The following STUM variants were observed in gnomAD, a reference collection of about 807,000 sequenced individuals.
The protein encoded by STUM is protein stum homolog.
In STUM, 8 loss-of-function variants were observed where a neutral mutation model predicts 15.3. The ratio of observed to expected loss-of-function variants is 0.52; its 90% CI spans 0.31 to 0.94. STUM has a LOEUF of 0.94. STUM is among the 40% of genes least tolerant of loss of function. The probability of loss-of-function intolerance (pLI) is 0.05; values close to 1 mark genes in which losing one functional copy is unlikely to be tolerated. For missense variants in STUM, 142 were observed against 204.9 expected (o/e 0.69, Z 1.87); for synonymous variants, 78 against 88.7 (o/e 0.88, Z 0.68).
chr1:226,600,798 T>C lies in STUM; in HGVS notation c.391+124T>C. ...CCCAGTGGGTCAATGGGCTTTTATG[T>C]TTAGCTTGAACTTTTGGTTTGGAAA... On this transcript the variant is annotated intron_variant, in intron 3 of 3. Transcript: ENST00000366788. This position sits in a 1 kb window ranked among gnomAD's most constrained non-coding sequence, Gnocchi z 5.2. The C allele has an allele frequency of 9.3e-7, 1 of 1,077,918 alleles. No individual in the cohort carries two copies. The highest frequency in any genetic ancestry group is 1.6e-5 in the African/African-American group (1 of 63,920). 66.8% of individuals were successfully genotyped at this position (1,077,918 alleles called of 1,614,324 possible). A position where few individuals can be genotyped will look rare whatever the true frequency, so the allele number is the denominator to read the frequency against.
At chr1:226,576,645 T>C (rs1349081997) in intron 1 of STUM, among the ~76,000 whole-genome samples, 1 of 152,172 alleles carries the variant, frequency 6.6e-6, no homozygotes, top group Non-Finnish European at 1.5e-5. Flanking sequence ...ACATTCACAA[T>C]GCTGTGCAAC....
intron 1 of STUM, among the ~76,000 whole-genome samples, chr1:226,591,563 G>A (rs1374575638): frequency 6.6e-6 from 1 of 152,086 alleles, no homozygotes; most frequent in Non-Finnish European, 1.5e-5. Context: ...GGCTCACCAG[G>A]CCTTCCCCGC....
chr1:226,594,097 G>A (rs1668133206), intron 1 of STUM, among the ~76,000 whole-genome samples: 2 of 152,176 alleles, frequency 1.3e-5, no homozygotes, highest in South Asian at 4.1e-4. Context: ...TGAGGAGGAG[G>A]AAAACGAGGC....
Position 226,600,498 on chromosome 1 carries a change from G to A in STUM, c.383-168G>A. 1 of 745,684 alleles carries A rather than the reference G, an allele frequency of 1.3e-6. No individual in the cohort carries two copies. The highest frequency in any genetic ancestry group is 2.7e-5 in the East Asian group (1 of 37,548). The allele number at this position is 745,684 out of a possible 1,614,324, so 46.2% of individuals were successfully genotyped here. Reference sequence around the variant, plus strand: ...ACTGAGCACTCCCTGCCTGGGGATGGCGTCTGAGAAGCCACTGGCATGGCC... The same window carrying A: ...ACTGAGCACTCCCTGCCTGGGGATGACGTCTGAGAAGCCACTGGCATGGCC... On this transcript the variant is annotated intron_variant, in intron 2 of 3. Transcript: ENST00000366788. This position sits in a 1 kb window ranked among gnomAD's most constrained non-coding sequence, Gnocchi z 5.2.
At chr1:226,588,291 C>T (rs114604071) in intron 1 of STUM, among the ~76,000 whole-genome samples, 3,488 of 152,240 alleles carry the variant, frequency 0.023, 145 homozygotes, top group African/African-American at 0.079. Context: ...TCGAACCCTG[C>T]GCTGATATGC....
At position 226,608,815 on chromosome 1, in the gene STUM, C is replaced by CAAG. The variant is rs1668402436; in HGVS notation, c.*6775_*6776insAAG. The stretch of plus-strand genomic sequence containing the variant: ...GGCCGGAACCCTGCAGCCTGGGGCC[C>CAAG]CAGCCCGCCTGCAGCTCAGCTTTCC... On this transcript the variant is annotated 3_prime_UTR_variant, in exon 4 of 4. Coordinates refer to ENST00000366788, the MANE Select transcript of STUM (RefSeq NM_001003665.4). The surrounding 1 kb of genome is among the most constrained non-coding windows in gnomAD (Gnocchi z 4.0). 1 of 152,326 alleles carries CAAG rather than the reference C, an allele frequency of 6.6e-6. No individual in the cohort carries two copies. The highest frequency in any genetic ancestry group is 1.5e-5 in the Non-Finnish European group (1 of 68,160). The allele number at this position is 152,326 out of a possible 1,614,324, so 9.4% of individuals were successfully genotyped here.
At chr1:226,560,431 C>T (rs1369485490) in intron 1 of STUM, among the ~76,000 whole-genome samples, 6 of 152,286 alleles carry the variant, frequency 3.9e-5, no homozygotes, top group East Asian at 1.9e-4. Flanking sequence ...GTTGGCAAGA[C>T]GCGAGCAGCC....
rs376619217 is a variant in STUM at position 226,561,351 on chromosome 1, C to T, written c.202+12245C>T. ...CAAGAGCAGGTCCTTGTTCTTTTAA[C>T]CTAGTGGACCCTTCCCCAGGAGACA... On this transcript the variant is annotated intron_variant, in intron 1 of 3. Coordinates refer to ENST00000366788, the MANE Select transcript of STUM (RefSeq NM_001003665.4). 5.9e-5 allele frequency among the ~76,000 whole-genome samples: 9 copies of T among 152,256 alleles called. No individual in the cohort carries two copies. In the South Asian group the frequency reaches 1.9e-3, roughly 32 times the overall value.
intron 1 of STUM, among the ~76,000 whole-genome samples, chr1:226,555,528 C>T (rs1667433747): frequency 6.6e-6 from 1 of 152,212 alleles, no homozygotes; most frequent in Non-Finnish European, 1.5e-5. Flanking sequence ...ACCCCATGCC[C>T]AATCTGTTAG....
At chr1:226,591,388 AAAG>A (rs1263643839) in intron 1 of STUM, among the ~76,000 whole-genome samples, 1 of 152,190 alleles carries the variant, frequency 6.6e-6, no homozygotes, top group Non-Finnish European at 1.5e-5. Flanking sequence ...AACATGAGTA[AAAG>A]AAGGAGCAGA....
rs1022126943 is a variant in STUM at position 226,607,694 on chromosome 1, C to G, written c.*5654C>G. The G allele has an allele frequency of 6.6e-6, 1 of 152,276 alleles. No individual in the cohort carries two copies. Among genetic ancestry groups the G allele is most frequent in the African/African-American group, 2.4e-5 (1 of 41,466 alleles). The allele number at this position is 152,276 out of a possible 1,614,324, so 9.4% of individuals were successfully genotyped here. Reference sequence around the variant, plus strand: ...CCTGTAGCGTCCACCATGTGTGTGTCCTGAGTTTCCAGTGCAAGTCATCTG... The same window carrying G: ...CCTGTAGCGTCCACCATGTGTGTGTGCTGAGTTTCCAGTGCAAGTCATCTG... On this transcript the variant is annotated 3_prime_UTR_variant, in exon 4 of 4. Coordinates refer to ENST00000366788, the MANE Select transcript of STUM (RefSeq NM_001003665.4).
At chr1:226,578,117 G>A (rs1379624980) in intron 1 of STUM, among the ~76,000 whole-genome samples, 3 of 152,158 alleles carry the variant, frequency 2.0e-5, no homozygotes, top group African/African-American at 4.8e-5. Context: ...CCGTCAAAAA[G>A]ACATTGCTGT....
At chr1:226,590,787 T>C (rs1433603488) in intron 1 of STUM, among the ~76,000 whole-genome samples, 1 of 152,246 alleles carries the variant, frequency 6.6e-6, no homozygotes, top group African/African-American at 2.4e-5. Flanking sequence ...CAGGACGGCC[T>C]GTCTGCAGAT....
chr1:226,584,937 T>C (rs1194674629), intron 1 of STUM, among the ~76,000 whole-genome samples: 4 of 152,216 alleles, frequency 2.6e-5, no homozygotes, highest in Non-Finnish European at 5.9e-5. Flanking sequence ...AAACCATTTT[T>C]ACAATATTTT....
intron 1 of STUM, among the ~76,000 whole-genome samples, chr1:226,586,431 A>G (rs1667998949): frequency 1.3e-5 from 2 of 152,144 alleles, no homozygotes; most frequent in Non-Finnish European, 2.9e-5. Flanking sequence ...TGGGCACGAC[A>G]TCCATGTTAT....
intron 1 of STUM, among the ~76,000 whole-genome samples, chr1:226,558,106 A>G (rs1461498479): frequency 6.6e-6 from 1 of 152,222 alleles, no homozygotes; most frequent in East Asian, 1.9e-4. Context: ...TGCCACTTCT[A>G]TTCAACATAA....
At chr1:226,587,437 C>G (rs1668014318) in intron 1 of STUM, among the ~76,000 whole-genome samples, 1 of 152,144 alleles carries the variant, frequency 6.6e-6, no homozygotes, top group African/African-American at 2.4e-5. Flanking sequence ...ACAGCTGCAG[C>G]CCACCTGATG....
intron 1 of STUM, among the ~76,000 whole-genome samples, chr1:226,569,834 G>T (rs574788656): frequency 6.6e-6 from 1 of 152,326 alleles, no homozygotes; most frequent in South Asian, 2.1e-4. Flanking sequence ...GCGCTGTCTG[G>T]TAGAAATACT....
At chr1:226,566,481 G>A (rs1667628295) in intron 1 of STUM, among the ~76,000 whole-genome samples, 1 of 152,162 alleles carries the variant, frequency 6.6e-6, no homozygotes, top group Non-Finnish European at 1.5e-5. Flanking sequence ...GTTAAAAATG[G>A]AATAGTCTTG....
Sources: allele counts gnomAD v4.1 joint callset (sites outside exome capture counted in the v4.1 genomes callset), GRCh38; gene constraint gnomAD v4.1.1; non-coding constraint Gnocchi (gnomAD v3.1); transcripts MANE v1.5; gene names NCBI Gene and HGNC (gene_info 2026-07-23, HGNC 2026-07-21).